CCSER1: variants seen among roughly 807,000 people sequenced by gnomAD.
CCSER1 encodes coiled-coil serine rich protein 1.
In CCSER1, 41 loss-of-function variants were observed where a neutral mutation model predicts 82.0. The ratio of observed to expected loss-of-function variants is 0.50; its 90% CI spans 0.39 to 0.65. The LOEUF (loss-of-function observed/expected upper bound fraction) is 0.65, where lower values mean the gene tolerates loss of function less well. Among genes scored for constraint, CCSER1 ranks in the 30% least tolerant of loss-of-function variants. CCSER1 has a pLI of 0.00. For synonymous variants in CCSER1, 414 were observed against 383.9 expected, an observed-to-expected ratio of 1.08 and a Z score of -0.92; for missense variants, 1,119 against 1,064.2, an observed-to-expected ratio of 1.05 and a Z score of -0.72.
intron 10 of CCSER1, among the ~76,000 whole-genome samples, chr4:91,561,660 G>GGCTA (rs1762656624): frequency 1.3e-5 from 2 of 151,398 alleles, no homozygotes; most frequent in African/African-American, 2.4e-5. Flanking sequence ...CATCACCAAT[G>GGCTA]GCTAGAATGG....
At chr4:90,361,098 T>C (rs1231903616) in intron 3 of CCSER1, among the ~76,000 whole-genome samples, 2 of 152,200 alleles carry the variant, frequency 1.3e-5, no homozygotes, top group Non-Finnish European at 2.9e-5. Flanking sequence ...TCAAAATGAA[T>C]CAAATGTTGT....
intron 10 of CCSER1, among the ~76,000 whole-genome samples, chr4:91,373,381 A>G (rs936209185): frequency 6.6e-6 from 1 of 151,982 alleles, no homozygotes; most frequent in African/African-American, 2.4e-5. Flanking sequence ...TGATCACTTC[A>G]TGTCTCTGTG....
chr4:91,378,881 G>A (rs1302915147), intron 10 of CCSER1, among the ~76,000 whole-genome samples: 1 of 152,166 alleles, frequency 6.6e-6, no homozygotes, highest in Non-Finnish European at 1.5e-5. Flanking sequence ...GATATTGGCT[G>A]TGGGTTTGCC....
chr4:90,273,893 T>C (rs951917458), intron 1 of CCSER1, among the ~76,000 whole-genome samples: 19 of 152,176 alleles, frequency 1.2e-4, no homozygotes, highest in African/African-American at 4.3e-4. Flanking sequence ...TTGTCAACTA[T>C]GTTGTGATAA....
rs1730258484 is a variant in CCSER1 at position 90,932,988 on chromosome 4, G to GAAAGAAAGAAAGAAAGAAAGAA, written c.2172+9543_2172+9564dup. Among the ~76,000 whole-genome samples the GAAAGAAAGAAAGAAAGAAAGAA allele has an allele frequency of 9.1e-5, 3 of 32,798 alleles. 1 individual carries two copies. Among genetic ancestry groups the GAAAGAAAGAAAGAAAGAAAGAA allele is most frequent in the Non-Finnish European group, 1.7e-4 (3 of 17,564 alleles). 21.5% of individuals were successfully genotyped at this position (32,798 alleles called of 152,430 possible). On this transcript the variant is annotated intron_variant, in intron 9 of 10. Coordinates refer to ENST00000509176, the MANE Select transcript of CCSER1 (RefSeq NM_001145065.2). ...AAAGAAAGAAAGAAAGAAAGAGAAA[G>GAAAGAAAGAAAGAAAGAAAGAA]AAAGAAAGAAAGAAAGAAAGAAAGA...
At chr4:91,103,857 G>C (rs568654715) in intron 10 of CCSER1, among the ~76,000 whole-genome samples, 2 of 151,970 alleles carry the variant, frequency 1.3e-5, no homozygotes, top group East Asian at 3.9e-4. Context: ...CTGCGGGGTC[G>C]GGCAAAAAGA....
rs151131212 is a variant in CCSER1 at position 90,672,348 on chromosome 4, T to C, written c.1932+44116T>C. On this transcript the variant is annotated intron_variant, in intron 6 of 10. Coordinates refer to ENST00000509176, the MANE Select transcript of CCSER1 (RefSeq NM_001145065.2). The stretch of plus-strand genomic sequence containing the variant: ...CTTACTGCTTCACCTTTCACTTTTA[T>C]GTTATGGCTTCTTTCCTTAAACATC... 2.0e-4 allele frequency among the ~76,000 whole-genome samples: 30 copies of C among 152,188 alleles called. No individual in the cohort carries two copies. The East Asian group carries it at 5.6e-3, about 28-fold the overall frequency.
chr4:91,313,293 T>C (rs1745617735), intron 10 of CCSER1, among the ~76,000 whole-genome samples: 1 of 151,946 alleles, frequency 6.6e-6, no homozygotes, highest in Admixed American at 6.6e-5. Flanking sequence ...TCTAAGATTT[T>C]TGATGTGTTA....
chr4:90,524,686 C>T (rs1233437725), intron 5 of CCSER1, among the ~76,000 whole-genome samples: 1 of 152,096 alleles, frequency 6.6e-6, no homozygotes, highest in Non-Finnish European at 1.5e-5. Context: ...CCAGGATGGT[C>T]TCTATCTGTT....
chr4:90,959,464 G>A (rs1413917286), intron 9 of CCSER1, among the ~76,000 whole-genome samples: 1 of 152,106 alleles, frequency 6.6e-6, no homozygotes, highest in African/African-American at 2.4e-5. Context: ...ATTTTCCAAA[G>A]TCCAAACCAT....
In CCSER1 at chr4:90,642,893, GTTTT is replaced by G. The variant is rs68192930; in HGVS notation, c.1932+14672_1932+14675del. On this transcript the variant is annotated intron_variant, in intron 6 of 10. Transcript: ENST00000509176. ...TACATACATACATGCATTATTTTCT[GTTTT>G]TTTTTTTTTTAAAGTAAAAGTGCTC... Among the ~76,000 whole-genome samples the G allele has an allele frequency of 4.4e-3, 647 of 147,300 alleles. 4 individuals carry two copies. Among genetic ancestry groups the G allele is most frequent in the Non-Finnish European group, 5.8e-3 (386 of 66,430 alleles).
At chr4:90,494,854 G>C (rs1186422483) in intron 5 of CCSER1, among the ~76,000 whole-genome samples, 1 of 143,758 alleles carries the variant, frequency 7.0e-6, no homozygotes, top group Non-Finnish European at 1.5e-5. Context: ...GGATATCCTG[G>C]GGTAGATTTT....
intron 10 of CCSER1, among the ~76,000 whole-genome samples, chr4:91,208,851 A>C (rs1270242056): frequency 6.6e-6 from 1 of 151,888 alleles, no homozygotes; most frequent in African/African-American, 2.4e-5. Context: ...ATGAGCATGG[A>C]ATGTTTTTCC....
At chr4:90,463,639 C>A (rs999563916) in intron 4 of CCSER1, among the ~76,000 whole-genome samples, 1 of 152,138 alleles carries the variant, frequency 6.6e-6, no homozygotes, top group Non-Finnish European at 1.5e-5. Flanking sequence ...AGTGAACACT[C>A]TACCAAGTCA....
At chr4:91,142,973 G>A (rs1729181224) in intron 10 of CCSER1, among the ~76,000 whole-genome samples, 1 of 151,834 alleles carries the variant, frequency 6.6e-6, no homozygotes, top group Admixed American at 6.6e-5. Context: ...CTCTTTTTTG[G>A]TTCTATCTGA....
intron 10 of CCSER1, among the ~76,000 whole-genome samples, chr4:91,496,747 AT>A (rs373790889): frequency 0.36 from 5,871 of 16,100 alleles, 2,541 homozygotes; most frequent in East Asian, 0.71. Context: ...TTGAATATAT[AT>A]TTGAATATAT....
intron 10 of CCSER1, among the ~76,000 whole-genome samples, chr4:91,168,330 C>A (rs1333828784): frequency 2.1e-5 from 3 of 144,566 alleles, no homozygotes; most frequent in Non-Finnish European, 3.0e-5. Flanking sequence ...GCCCGGCCAC[C>A]CCCTCTGGGA....
chr4:90,854,115 C>G (rs1704425956), intron 8 of CCSER1, among the ~76,000 whole-genome samples: 1 of 151,722 alleles, frequency 6.6e-6, no homozygotes, highest in South Asian at 2.1e-4. Context: ...CTTCAAGAAG[C>G]TAGAGATACA....
intron 5 of CCSER1, among the ~76,000 whole-genome samples, chr4:90,590,947 A>G (rs371633051): frequency 6.6e-6 from 1 of 152,070 alleles, no homozygotes; most frequent in Non-Finnish European, 1.5e-5. Flanking sequence ...ACTATTTTCC[A>G]TTTGTTTGTG....
Sources: allele counts gnomAD v4.1 joint callset (sites outside exome capture counted in the v4.1 genomes callset), GRCh38; gene constraint gnomAD v4.1.1; transcripts MANE v1.5; gene names NCBI Gene and HGNC (gene_info 2026-07-23, HGNC 2026-07-21).